TENM4: variants seen among roughly 807,000 people sequenced by gnomAD.
The protein encoded by TENM4 is teneurin-4.
In TENM4, 82 loss-of-function variants were observed where a neutral mutation model predicts 243.3. The ratio of observed to expected loss-of-function variants is 0.34; its 90% CI spans 0.28 to 0.40. The LOEUF (loss-of-function observed/expected upper bound fraction) is 0.40, where lower values mean the gene tolerates loss of function less well. Among genes scored for constraint, TENM4 ranks in the 10% least tolerant of loss-of-function variants. TENM4 has a pLI of 1.00. For synonymous variants in TENM4, 1,412 were observed against 1,456.3 expected (o/e 0.97, Z 0.69); for missense variants, 3,138 against 3,673.3 (o/e 0.85, Z 3.77).
intron 1 of TENM4, among the ~76,000 whole-genome samples, chr11:79,358,946 A>G (rs1410005932): frequency 7.9e-6 from 1 of 127,316 alleles, no homozygotes; most frequent in East Asian, 2.0e-4. Context: ...TTAAGTAAAA[A>G]GGCATTTTTT....
At chr11:79,044,766 T>C (rs902841585) in intron 6 of TENM4, among the ~76,000 whole-genome samples, 2 of 152,184 alleles carry the variant, frequency 1.3e-5, no homozygotes, top group Non-Finnish European at 2.9e-5. Context: ...CGCAGACTAC[T>C]TGGGTTAAAA....
At chr11:79,118,130 G>A (rs552391148) in intron 4 of TENM4, among the ~76,000 whole-genome samples, 5 of 152,234 alleles carry the variant, frequency 3.3e-5, no homozygotes, top group African/African-American at 1.2e-4. Flanking sequence ...TAAAATTGAG[G>A]TTCAGAGGCT....
At position 78,987,558 on chromosome 11, in the gene TENM4, G is replaced by T. The variant is rs560717648; in HGVS notation, c.493+77180C>A. On this transcript the variant is annotated intron_variant, in intron 6 of 33. Coordinates refer to ENST00000278550, the MANE Select transcript of TENM4 (RefSeq NM_001098816.3). ...TGTTTTATATCTTGATTTGGGCTAT[G>T]GCTGCAGGGAAGGATACATTGCAAA... 8.5e-5 allele frequency among the ~76,000 whole-genome samples: 13 copies of T among 152,320 alleles called. No individual in the cohort carries two copies. In the South Asian group the frequency reaches 2.3e-3, roughly 27 times the overall value.
Position 79,353,195 on chromosome 11 carries a change from A to G in TENM4, c.-320-55652T>C, listed in dbSNP as rs114852266. 3.1e-3 allele frequency among the ~76,000 whole-genome samples: 478 copies of G among 152,338 alleles called. 1 individual carries two copies. The highest frequency in any genetic ancestry group is 0.011 in the African/African-American group (452 of 41,568). The stretch of plus-strand genomic sequence containing the variant: ...GAAATACTTGCTGAGGGCTGGAGGA[A>G]GATGGCCATCTGCCTCCTGGACCAG... On this transcript the variant is annotated intron_variant, in intron 1 of 33. Transcript: ENST00000278550.
rs1294696385 is a variant in TENM4, at chr11:79,215,855, C to T, written c.-210G>A. 15 of 985,820 alleles carry T rather than the reference C, an allele frequency of 1.5e-5. No homozygotes were observed. Among genetic ancestry groups the T allele is most frequent in the Non-Finnish European group, 1.7e-5 (14 of 829,992 alleles). The allele number at this position is 985,820 out of a possible 1,614,324, so 61.1% of individuals were successfully genotyped here. ...TGAAGAGTCAGCAATGTCCGTGGGC[C>T]CTGCAGCCCTCTCTCCAAGGCCATT... On this transcript the variant is annotated 5_prime_UTR_variant, in exon 3 of 34. Coordinates refer to ENST00000278550, the MANE Select transcript of TENM4 (RefSeq NM_001098816.3).
intron 6 of TENM4, among the ~76,000 whole-genome samples, chr11:79,060,002 C>T (rs533703671): frequency 1.3e-5 from 2 of 152,334 alleles, no homozygotes; most frequent in African/African-American, 4.8e-5. Flanking sequence ...ATCTAGAGTC[C>T]ACATCCTAGA....
chr11:78,691,571 A>G (rs1858826045), intron 28 of TENM4, among the ~76,000 whole-genome samples: 1 of 152,190 alleles, frequency 6.6e-6, no homozygotes, highest in Non-Finnish European at 1.5e-5. Flanking sequence ...ATCTCACTAG[A>G]GTTTTAGTCT....
At chr11:79,180,796 G>C (rs1863266006) in intron 3 of TENM4, among the ~76,000 whole-genome samples, 1 of 151,246 alleles carries the variant, frequency 6.6e-6, no homozygotes, top group Non-Finnish European at 1.5e-5. Context: ...CTGGACAACA[G>C]AGTGAGACCA....
rs900647808 is a variant in TENM4 at position 79,182,058 on chromosome 11, T to C, written c.-162-33252A>G. On this transcript the variant is annotated intron_variant, in intron 3 of 33. Coordinates refer to ENST00000278550, the MANE Select transcript of TENM4 (RefSeq NM_001098816.3). ...AGACTCAATGCAATCCCAATCAAAATCCCAGCAAGTTATTTTGTGATTGTT... is the reference window on the plus strand; with the variant it reads ...AGACTCAATGCAATCCCAATCAAAACCCCAGCAAGTTATTTTGTGATTGTT... Among the ~76,000 whole-genome samples the C allele has an allele frequency of 5.9e-5, 9 of 152,062 alleles. No homozygotes were observed. The East Asian group carries it at 1.7e-3, about 29-fold the overall frequency.
chr11:79,149,804 A>G (rs1484722963), intron 3 of TENM4, among the ~76,000 whole-genome samples: 1 of 152,118 alleles, frequency 6.6e-6, no homozygotes, highest in Non-Finnish European at 1.5e-5. Context: ...AAGGTATGTG[A>G]GCAATACACA....
intron 4 of TENM4, among the ~76,000 whole-genome samples, chr11:79,079,256 A>G (rs1393721644): frequency 1.3e-5 from 2 of 152,166 alleles, no homozygotes; most frequent in Non-Finnish European, 2.9e-5. Flanking sequence ...CCCTTCTGTT[A>G]GAGAGCTTGT....
intron 3 of TENM4, among the ~76,000 whole-genome samples, chr11:79,169,400 G>C (rs1862989381): frequency 6.6e-6 from 1 of 152,066 alleles, no homozygotes; most frequent in Non-Finnish European, 1.5e-5. Flanking sequence ...GTGGAACTTG[G>C]GGAGGCTACG....
intron 2 of TENM4, among the ~76,000 whole-genome samples, chr11:79,220,084 C>G (rs759150452): frequency 1.3e-5 from 2 of 152,214 alleles, no homozygotes; most frequent in Non-Finnish European, 2.9e-5. Flanking sequence ...CCTGCTGGGT[C>G]CCTGAAGAAT....
At chr11:79,185,179 TC>T (rs1863358666) in intron 3 of TENM4, among the ~76,000 whole-genome samples, 1 of 152,068 alleles carries the variant, frequency 6.6e-6, no homozygotes, top group South Asian at 2.1e-4. Flanking sequence ...ATGCCTGCAG[TC>T]CCATCTACTT....
At chr11:79,082,519 G>A (rs1465899143) in intron 4 of TENM4, among the ~76,000 whole-genome samples, 1 of 151,948 alleles carries the variant, frequency 6.6e-6, no homozygotes, top group Non-Finnish European at 1.5e-5. Flanking sequence ...GGTTGGTGTG[G>A]GGTGTCACAT....
chr11:79,354,099 G>A (rs1296196020), intron 1 of TENM4, among the ~76,000 whole-genome samples: 2 of 152,202 alleles, frequency 1.3e-5, no homozygotes, highest in Non-Finnish European at 2.9e-5. Context: ...CACTTACAAA[G>A]TCAGTTTATA....
intron 4 of TENM4, among the ~76,000 whole-genome samples, chr11:79,146,377 G>A (rs998127502): frequency 6.6e-6 from 1 of 152,070 alleles, no homozygotes; most frequent in Non-Finnish European, 1.5e-5. Flanking sequence ...CCTATACCTT[G>A]AGTGATACCA....
At chr11:78,696,683 A>C (rs675591) in intron 28 of TENM4, among the ~76,000 whole-genome samples, 32,702 of 152,056 alleles carry the variant, frequency 0.22, 3,672 homozygotes, top group African/African-American at 0.27. Flanking sequence ...CTCAAGGTCC[A>C]CAGTTCAGCC....
intron 1 of TENM4, among the ~76,000 whole-genome samples, chr11:79,435,584 A>C (rs1040939628): frequency 6.6e-6 from 1 of 152,206 alleles, no homozygotes; most frequent in African/African-American, 2.4e-5. Context: ...CTTTTGTTTA[A>C]CTTTTTAGAT....
Sources: allele counts gnomAD v4.1 joint callset (sites outside exome capture counted in the v4.1 genomes callset), GRCh38; gene constraint gnomAD v4.1.1; transcripts MANE v1.5; gene names NCBI Gene and HGNC (gene_info 2026-07-23, HGNC 2026-07-21).